MYH2: variants seen among roughly 807,000 people sequenced by gnomAD.
MYH2 encodes myosin heavy chain 2.
A neutral mutation model predicts 228.1 loss-of-function variants in MYH2; 139 were observed. That is an observed-to-expected ratio of 0.61 (90% CI 0.53 to 0.70). The LOEUF is 0.70. Among genes scored for constraint, MYH2 ranks in the 30% least tolerant of loss-of-function variants. MYH2 has a pLI of 0.00. For synonymous variants in MYH2, 796 were observed against 871.1 expected, an observed-to-expected ratio of 0.91 and a Z score of 1.52; for missense variants, 1,809 against 2,357.5, an observed-to-expected ratio of 0.77 and a Z score of 4.82.
At chr17:10,539,007 G>A (rs2073517475) in intron 14 of MYH2, among the ~76,000 whole-genome samples, 198 bp downstream of exon 14, 1 of 152,124 alleles carries the variant, frequency 6.6e-6, no homozygotes, top group African/African-American at 2.4e-5. Flanking sequence ...ATAACAAGTT[G>A]GGGAGTCCTT....
intron 17 of MYH2, among the ~76,000 whole-genome samples, chr17:10,535,641 C>T (rs1221921166): frequency 2.0e-5 from 3 of 152,198 alleles, no homozygotes; most frequent in East Asian, 3.9e-4. Context: ...CTACCCTGGT[C>T]CCTGGCCATA....
chr17:10,530,036 G>A lies in MYH2; in HGVS notation c.2736C>T (p.Asp912=), dbSNP rs2073406637. The change falls in exon 23 of 40, where the codon GAC becomes GAT. Residue 912 remains aspartate (D), a synonymous_variant. Coordinates refer to ENST00000245503, the MANE Select transcript of MYH2 (RefSeq NM_017534.6). The part of the protein sequence containing the change: ...EGLADAEERC[D]QLIKTKIQLE... ...GCTGGATTTTGGTTTTGATTAGCTGGTCACACCTTTCCTCTGCATCAGCCA... is the reference window on the plus strand; with the variant it reads ...GCTGGATTTTGGTTTTGATTAGCTGATCACACCTTTCCTCTGCATCAGCCA... 6.2e-7 allele frequency: 1 copy of A among 1,614,046 alleles called. No individual in the cohort carries two copies. The highest frequency in any genetic ancestry group is 1.7e-5 in the Admixed American group (1 of 59,998).
At chr17:10,528,047 CTTT>C (rs71365770) in intron 27 of MYH2, among the ~76,000 whole-genome samples, 173 bp from the exon 28 acceptor site, 1 of 131,862 alleles carries the variant, frequency 7.6e-6, no homozygotes, top group Non-Finnish European at 1.6e-5. Flanking sequence ...TTCTTTCTTT[CTTT>C]TTTTTTTTTT....
At chr17:10,522,674 T>G (rs2073299542) in intron 39 of MYH2, among the ~76,000 whole-genome samples, 2 of 152,222 alleles carry the variant, frequency 1.3e-5, no homozygotes, top group Middle Eastern at 3.4e-3. Context: ...ATTCTGTAGG[T>G]TTGTAAAAGT....
In MYH2 at chr17:10,528,729, A is replaced by G. The variant is rs2073385039; in HGVS notation, c.3705T>C (p.Asp1235=). ...KEKSEMKMEI[D]DLASNVETVS... The stretch of plus-strand genomic sequence containing the variant: ...CCGTTTCTACATTACTAGCAAGGTC[A>G]TCAATCTCCATCTTCATCTCACTCT... The change falls in exon 27 of 40, where the codon GAT becomes GAC. Residue 1235 remains aspartate, a synonymous_variant. Coordinates refer to ENST00000245503, the MANE Select transcript of MYH2 (RefSeq NM_017534.6). The G allele has an allele frequency of 6.2e-7, 1 of 1,614,144 alleles. No individual in the cohort carries two copies. Among genetic ancestry groups the G allele is most frequent in the Non-Finnish European group, 8.5e-7 (1 of 1,180,010 alleles).
At chr17:10,523,252 G>C in intron 38 of MYH2, 56 bp downstream of exon 38, 1 of 1,604,704 alleles carries the variant, frequency 6.2e-7, no homozygotes, top group Non-Finnish European at 8.5e-7. Flanking sequence ...CATTGCATAT[G>C]AGTATTTCAC....
At chr17:10,528,557 CT>C in intron 27 of MYH2, 132 bp downstream of exon 27, 2 of 1,342,226 alleles carry the variant, frequency 1.5e-6, no homozygotes, top group Non-Finnish European at 2.0e-6. Context: ...ATAAAAAATG[CT>C]GATTTTTTGT....
Position 10,535,186 on chromosome 17 carries a change from G to A in MYH2, c.2067C>T (p.Ala689=). ...GGTGGAGGACAAGCTCATGCTCCAT[G>A]GCACCTAAAAATGCATATTTATTTC... ...IIPNETKTPG[A]MEHELVLHQL... is the part of the protein sequence containing the mutation. The change falls in exon 19 of 40, where the codon GCC becomes GCT. Residue 689 remains alanine (A), a synonymous_variant. Transcript: ENST00000245503. 1 of 1,614,082 alleles carries A rather than the reference G, an allele frequency of 6.2e-7. No homozygotes were observed. The highest frequency in any genetic ancestry group is 8.5e-7 in the Non-Finnish European group (1 of 1,180,018).
intron 17 of MYH2, among the ~76,000 whole-genome samples, chr17:10,535,596 G>A (rs2073474098): frequency 2.0e-5 from 3 of 152,194 alleles, no homozygotes; most frequent in Non-Finnish European, 4.4e-5. Flanking sequence ...ATCCTGGCAT[G>A]TGCTTCTTTT....
At chr17:10,523,278 T>C (rs1290153353) in intron 38 of MYH2, 30 bp downstream of exon 38, 5 of 1,612,604 alleles carry the variant, frequency 3.1e-6, no homozygotes, top group Non-Finnish European at 4.2e-6. Context: ...CTTCGACCAG[T>C]GCTTAGCCGC....
intron 4 of MYH2, 40 bp downstream of exon 4, chr17:10,547,435 A>G: frequency 6.2e-7 from 1 of 1,612,390 alleles, no homozygotes; most frequent in Non-Finnish European, 8.5e-7. Context: ...GGTAGGGTAC[A>G]TGAGGATGAT....
Position 10,537,700 on chromosome 17 carries a change from T to A in MYH2, c.1552A>T (p.Met518Leu). Residue 518 changes from methionine to leucine, a missense_variant, in exon 15 of 40, where the codon ATG (methionine) becomes TTG (leucine). By Grantham distance (15) the Met-to-Leu change is conservative. Around this residue, in one of 9 missense-constraint regions of MYH2, gnomAD observed 373 missense variants for 620.4 expected, o/e 0.60. Transcript: ENST00000245503. The surrounding 1 kb of genome is among the most constrained non-coding windows in gnomAD (Gnocchi z 4.0). ...AGCTCGATGCAGGCAGCCAGGTCCA[T>A]CCCGAAGTCGATGAACGTCCACTCG... ...GIEWTFIDFG[M>L]DLAACIELIE... 1 of 1,614,172 alleles carries A rather than the reference T, an allele frequency of 6.2e-7. No individual in the cohort carries two copies. Among genetic ancestry groups the A allele is most frequent in the Non-Finnish European group, 8.5e-7 (1 of 1,180,024 alleles).
intron 21 of MYH2, among the ~76,000 whole-genome samples, chr17:10,532,964 C>G (rs951864589): frequency 6.6e-6 from 1 of 152,084 alleles, no homozygotes; most frequent in Non-Finnish European, 1.5e-5. Flanking sequence ...GGTCAATGTC[C>G]CTTATCTAAT....
chr17:10,526,989 G>T lies in MYH2; in HGVS notation c.3939C>A (p.Ala1313=), dbSNP rs376472420. The T allele has an allele frequency of 2.4e-5, 38 of 1,614,016 alleles. No homozygotes were observed. In the African/African-American group the frequency reaches 4.9e-4, roughly 21 times the overall value. The change falls in exon 29 of 40, where the codon GCC becomes GCA. Residue 1313 remains alanine, a synonymous_variant. Transcript: ENST00000245503. ...LVSQLSRGKQ[A]FTQQIEELKR... ...TTAATTCTTCAATCTGTTGAGTAAA[G>T]GCTTGTTTGCCTCTTGATAACTGAG...
Position 10,526,953 on chromosome 17 carries a change from A to G in MYH2, c.3975T>C (p.Leu1325=), listed in dbSNP as rs1370222028. The change falls in exon 29 of 40, where the codon CTT becomes CTC. Residue 1325 remains leucine, a synonymous_variant. Coordinates refer to ENST00000245503, the MANE Select transcript of MYH2 (RefSeq NM_017534.6). ...TQQIEELKRQ[L]EEEIKAKNAL... Reference sequence around the variant, plus strand: ...TCATAATTACTTTTATCTCCTCTTCAAGTTGCCTCTTTAATTCTTCAATCT... The same window carrying G: ...TCATAATTACTTTTATCTCCTCTTCGAGTTGCCTCTTTAATTCTTCAATCT... The G allele has an allele frequency of 6.2e-7, 1 of 1,613,960 alleles. No individual in the cohort carries two copies. The highest frequency in any genetic ancestry group is 1.3e-5 in the African/African-American group (1 of 74,932).
chr17:10,521,534 C>T, intron 39 of MYH2, 102 bp from the exon 40 acceptor site: 1 of 1,070,408 alleles, frequency 9.3e-7, no homozygotes, highest in South Asian at 1.3e-5. Context: ...GAAGCAACAT[C>T]TAGGGATTAT....
At position 10,545,426 on chromosome 17, in the gene MYH2, G is replaced by A; in HGVS notation, c.425C>T (p.Ala142Val). 6.2e-7 allele frequency: 1 copy of A among 1,614,028 alleles called. No individual in the cohort carries two copies. The highest frequency in any genetic ancestry group is 1.1e-5 in the South Asian group (1 of 91,058). Reference protein sequence around the residue: ...LPVYKPEVVTAYRGKKRQEAP... With the variant: ...LPVYKPEVVTVYRGKKRQEAP... ...CTCCTGGCGCTTTTTGCCTCGGTAGGCTGTCACCACCTCGGGCTTATACAC... is the reference window on the plus strand; with the variant it reads ...CTCCTGGCGCTTTTTGCCTCGGTAGACTGTCACCACCTCGGGCTTATACAC... The change falls in exon 5 of 40, where the codon GCC becomes GTC. Residue 142 changes from alanine to valine, a missense_variant. Physicochemically the swap from Ala to Val is moderately conservative, Grantham distance 64 (BLOSUM62 0). This residue lies in a region of MYH2 where 373 missense variants were observed against 620.4 expected (regional missense o/e 0.60). Transcript: ENST00000245503.
chr17:10,540,041 G>A lies in MYH2; in HGVS notation c.1034C>T (p.Thr345Ile). 1 of 1,613,976 alleles carries A rather than the reference G, an allele frequency of 6.2e-7. No homozygotes were observed. The highest frequency in any genetic ancestry group is 8.5e-7 in the Non-Finnish European group (1 of 1,179,960). The change falls in exon 12 of 40, where the codon ACT (threonine) becomes ATT (isoleucine). Residue 345 changes from threonine (T) to isoleucine (I), a missense_variant. Physicochemically the swap from Thr to Ile is moderately conservative, Grantham distance 89 (BLOSUM62 -1). Coordinates refer to ENST00000245503, the MANE Select transcript of MYH2 (RefSeq NM_017534.6). Reference protein sequence around the residue: ...TDSAIDILGFTNEEKVSIYKL... With the variant: ...TDSAIDILGFINEEKVSIYKL... ...GTAAATGGAGACCTTTTCTTCATTA[G>A]TAAAGCCCAAAATATCAATAGCACT...
intron 21 of MYH2, 26 bp downstream of exon 21, chr17:10,533,259 T>A: frequency 6.2e-7 from 1 of 1,613,566 alleles, no homozygotes; most frequent in East Asian, 2.2e-5. Flanking sequence ...GAAGATGGAA[T>A]ATGTGAATAA....
Sources: allele counts gnomAD v4.1 joint callset (sites outside exome capture counted in the v4.1 genomes callset), GRCh38; gene constraint gnomAD v4.1.1; regional missense constraint gnomAD v4.1.1; non-coding constraint Gnocchi (gnomAD v3.1); transcripts MANE v1.5; gene names NCBI Gene and HGNC (gene_info 2026-07-23, HGNC 2026-07-21).